The following NRG4 variants were observed in gnomAD, a reference collection of about 807,000 sequenced individuals.
NRG4 encodes the protein neuregulin 4.
Under a neutral mutation model 15.0 loss-of-function variants are expected in NRG4, and 10 were observed. That is an observed-to-expected ratio of 0.67 (90% CI 0.41 to 1.13). The LOEUF (loss-of-function observed/expected upper bound fraction) is 1.13, where lower values mean the gene tolerates loss of function less well. NRG4 is among the 50% of genes most tolerant of loss of function. The pLI is 0.00. For missense variants in NRG4, 139 were observed against 140.2 expected (o/e 0.99, Z 0.04); for synonymous variants, 41 against 50.1 (o/e 0.82, Z 0.77).
At chr15:75,964,783 C>T (rs2032708752) in intron 3 of NRG4, among the ~76,000 whole-genome samples, 1 of 151,942 alleles carries the variant, frequency 6.6e-6, no homozygotes, top group African/African-American at 2.4e-5. Context: ...CAAAAATTAG[C>T]TGGCTGGTGG....
At chr15:75,944,901 TATG>T (rs572006438) in intron 5 of NRG4, among the ~76,000 whole-genome samples, 6 of 152,320 alleles carry the variant, frequency 3.9e-5, no homozygotes, top group Admixed American at 3.9e-4. Flanking sequence ...TAACCTTTGT[TATG>T]ATGTCTTTTT....
At position 75,977,614 on chromosome 15, in the gene NRG4, C is replaced by G. The variant is rs968624783; in HGVS notation, c.105-15640G>C. On this transcript the variant is annotated intron_variant, in intron 3 of 5. Transcript: ENST00000394907. The surrounding 1 kb of genome is among the most constrained non-coding windows in gnomAD (Gnocchi z 4.9). ...TTCCTGGGTGAGGTGACACCCCACC[C>G]TGCTTCGGCTCACCCTCTGTGGGCT... Among the ~76,000 whole-genome samples the G allele has an allele frequency of 6.6e-6, 1 of 152,176 alleles. No individual in the cohort carries two copies. The highest frequency in any genetic ancestry group is 2.4e-5 in the African/African-American group (1 of 41,444).
downstream of NRG4, chr15:75,940,268 CAG>C (rs2030807864): frequency 6.6e-6 from 1 of 152,014 alleles, no homozygotes; most frequent in South Asian, 2.1e-4. Context: ...ATAAAATGCA[CAG>C]AAATTAGCTT....
chr15:76,009,090 C>T, intron 3 of NRG4, 110 bp downstream of exon 3: 2 of 708,400 alleles, frequency 2.8e-6, no homozygotes, highest in Admixed American at 2.2e-5. Context: ...TATGAATATG[C>T]CTCACATCTT....
chr15:76,044,122 C>T (rs1210908759), intron 4 of NRG4, among the ~76,000 whole-genome samples: 7 of 152,150 alleles, frequency 4.6e-5, no homozygotes, highest in South Asian at 2.1e-4. Flanking sequence ...CTCAGCCTCC[C>T]GAGTAGCTGG....
rs1355106961 is a variant in NRG4 at position 75,942,222 on chromosome 15, C to G, written c.*1416G>C. The G allele has an allele frequency of 6.6e-6, 1 of 151,898 alleles. No individual in the cohort carries two copies. Among genetic ancestry groups the G allele is most frequent in the East Asian group, 1.9e-4 (1 of 5,162 alleles). 9.4% of individuals were successfully genotyped at this position (151,898 alleles called of 1,614,324 possible). ...GGTGGTGAAACTACTGTATACAATA[C>G]TATAATAGTGGATACATGACATTAT... On this transcript the variant is annotated 3_prime_UTR_variant, in exon 6 of 6. Coordinates refer to ENST00000394907, the MANE Select transcript of NRG4 (RefSeq NM_138573.4).
chr15:76,009,040 T>C (rs578113567), intron 3 of NRG4, among the ~76,000 whole-genome samples, 160 bp downstream of exon 3: 30 of 152,218 alleles, frequency 2.0e-4, no homozygotes, highest in Non-Finnish European at 3.4e-4. Context: ...TTTTATTTTG[T>C]TTTTGTTTTG....
intron 5 of NRG4, among the ~76,000 whole-genome samples, chr15:76,033,237 G>C (rs2035517488): frequency 6.6e-6 from 1 of 152,090 alleles, no homozygotes; most frequent in Admixed American, 6.6e-5. Context: ...GTTTTGTTTT[G>C]TTTTAGTTTG....
intron 4 of NRG4, among the ~76,000 whole-genome samples, chr15:76,042,804 C>T (rs1322128450): frequency 6.6e-6 from 1 of 152,086 alleles, no homozygotes; most frequent in Non-Finnish European, 1.5e-5. Context: ...CAAGCTCATT[C>T]TACAAGGTCA....
chr15:75,971,574 A>G (rs1001855996), intron 3 of NRG4, among the ~76,000 whole-genome samples: 1 of 152,156 alleles, frequency 6.6e-6, no homozygotes, highest in African/African-American at 2.4e-5. Context: ...TGTGAGATAT[A>G]ATATCCTATC....
intron 2 of NRG4, among the ~76,000 whole-genome samples, chr15:76,009,616 C>G (rs1201409072): frequency 6.6e-6 from 1 of 152,134 alleles, no homozygotes; most frequent in Non-Finnish European, 1.5e-5. Context: ...GCCTTTCTCA[C>G]TTACTACAGA....
intron 3 of NRG4, among the ~76,000 whole-genome samples, chr15:75,987,169 C>CG (rs1235179707): frequency 2.0e-5 from 3 of 152,110 alleles, no homozygotes; most frequent in Non-Finnish European, 4.4e-5. Context: ...ATTTCAATCA[C>CG]TAACTCAGAT....
At chr15:75,944,281 A>C (rs577890218) in intron 5 of NRG4, among the ~76,000 whole-genome samples, 22 of 149,438 alleles carry the variant, frequency 1.5e-4, no homozygotes, top group African/African-American at 5.4e-4. Flanking sequence ...GGTTTATAGG[A>C]GTTAAAATAT....
Position 76,024,376 on chromosome 15 carries a change from C to T in NRG4, c.-57+11568G>A, listed in dbSNP as rs553853862. 2.0e-5 allele frequency among the ~76,000 whole-genome samples: 3 copies of T among 152,292 alleles called. No individual in the cohort carries two copies. The South Asian group carries it at 6.2e-4, about 32-fold the overall frequency. Reference sequence around the variant, plus strand: ...CCACCCACGTCCTAGGCCAGAGAAACAACTCCAGGAGCAAACTTGAACAGA... The same window carrying T: ...CCACCCACGTCCTAGGCCAGAGAAATAACTCCAGGAGCAAACTTGAACAGA... On this transcript the variant is annotated intron_variant, in intron 5 of 8. Coordinates refer to the NRG4 transcript ENST00000563910.
intron 5 of NRG4, among the ~76,000 whole-genome samples, chr15:76,025,760 C>T (rs987601600): frequency 4.6e-5 from 7 of 151,886 alleles, no homozygotes; most frequent in Admixed American, 1.3e-4. Context: ...GCCTGTAATC[C>T]CAGCTACTTG....
rs548418743 is a variant in NRG4 at position 76,023,713 on chromosome 15, C to T, written c.-57+12231G>A. On this transcript the variant is annotated intron_variant, in intron 5 of 8. Coordinates refer to the NRG4 transcript ENST00000563910. ...CAGCACTGGGGTTTCATCTTCATTC[C>T]ACCCAGCCCACAGATGGCTGATGCC... 1.1e-3 allele frequency among the ~76,000 whole-genome samples: 165 copies of T among 152,306 alleles called. 1 individual carries two copies. Among genetic ancestry groups the T allele is most frequent in the Middle Eastern group, 0.01 (3 of 294 alleles).
intron 5 of NRG4, chr15:75,951,264 T>A (rs2141784113): frequency 7.4e-6 from 1 of 134,944 alleles, no homozygotes; most frequent in African/African-American, 2.8e-5. Flanking sequence ...GCCTCCTGGG[T>A]TCAAGCGGTT....
chr15:76,025,366 C>A (rs2035283332), intron 5 of NRG4, among the ~76,000 whole-genome samples: 1 of 151,950 alleles, frequency 6.6e-6, no homozygotes, highest in African/African-American at 2.4e-5. Context: ...GTGAACCCGG[C>A]AGGCGGAGCT....
chr15:75,964,904 A>G (rs1336871451), intron 3 of NRG4, among the ~76,000 whole-genome samples: 3 of 151,884 alleles, frequency 2.0e-5, no homozygotes, highest in African/African-American at 7.3e-5. Context: ...CTAGAGCAAC[A>G]GAGTGAGAGG....
Sources: gnomAD v4.1 joint callset for allele counts (sites outside exome capture counted in the v4.1 genomes callset) on GRCh38, gnomAD v4.1.1 for gene constraint, Gnocchi (gnomAD v3.1) non-coding constraint, MANE v1.5 for transcripts, NCBI Gene and HGNC (gene_info 2026-07-23, HGNC 2026-07-21) for gene names.